The following SNED1 variants were observed in gnomAD, a reference collection of about 807,000 sequenced individuals.
SNED1 encodes sushi, nidogen and EGF like domains 1.
Under a neutral mutation model 166.7 loss-of-function variants are expected in SNED1, and 81 were observed. That is an observed-to-expected ratio of 0.49 (90% CI 0.41 to 0.58). The LOEUF (loss-of-function observed/expected upper bound fraction) is 0.58, where lower values mean the gene tolerates loss of function less well. Among genes scored for constraint, SNED1 ranks in the 20% least tolerant of loss-of-function variants. The pLI is 0.00. For missense variants in SNED1, 1,604 were observed against 2,000.2 expected (o/e 0.80, Z 3.78); for synonymous variants, 762 against 822.0 (o/e 0.93, Z 1.25).
chr2:241,055,380 G>A (rs999483982), intron 16 of SNED1, among the ~76,000 whole-genome samples: 1 of 152,126 alleles, frequency 6.6e-6, no homozygotes, highest in Non-Finnish European at 1.5e-5. Flanking sequence ...CTTCCAGAGG[G>A]AAAATCAGGT....
chr2:241,041,172 C>T, intron 8 of SNED1: 1 of 221,796 alleles, frequency 4.5e-6, no homozygotes, highest in South Asian at 5.6e-5. Context: ...CAGGGTGTGT[C>T]CTGAGGGGAG....
rs2064165290 is a variant in SNED1, at chr2:241,093,334, C to G, written c.*1698C>G. ...TAAGCTACAGCATTACTAGCAGATG[C>G]TAAGATCGAGTGATATCACTGGAAA... On this transcript the variant is annotated 3_prime_UTR_variant, in exon 32 of 32. Coordinates refer to ENST00000310397, the MANE Select transcript of SNED1 (RefSeq NM_001080437.3). The G allele has an allele frequency of 6.5e-6, 1 of 152,676 alleles. No individual in the cohort carries two copies. The highest frequency in any genetic ancestry group is 1.5e-5 in the Non-Finnish European group (1 of 68,044). The allele number at this position is 152,676 out of a possible 1,614,324, so 9.5% of individuals were successfully genotyped here.
chr2:241,039,960 C>G lies in SNED1; in HGVS notation c.1046-115C>G, dbSNP rs1033172950. The G allele has an allele frequency of 6.0e-6, 5 of 826,926 alleles. No homozygotes were observed. The African/African-American group carries it at 6.8e-5, about 11-fold the overall frequency. 51.2% of individuals were successfully genotyped at this position (826,926 alleles called of 1,614,324 possible). On this transcript the variant is annotated intron_variant, in intron 6 of 31. Transcript: ENST00000310397. ...CGCTCAGAAACCTGCCTGCCAGGCC[C>G]CCCTGCAATGTAAGCCAGTTGGGGG...
chr2:241,039,196 G>T (rs1408614535), intron 6 of SNED1, among the ~76,000 whole-genome samples: 1 of 152,166 alleles, frequency 6.6e-6, no homozygotes, highest in Non-Finnish European at 1.5e-5. Flanking sequence ...AGGCTAGGGT[G>T]TGCATGCTCC....
chr2:241,000,215 G>A (rs1458939394), intron 1 of SNED1, among the ~76,000 whole-genome samples: 1 of 151,962 alleles, frequency 6.6e-6, no homozygotes, highest in Non-Finnish European at 1.5e-5. Flanking sequence ...TCCATCCACA[G>A]GGCCTCCTCC....
At chr2:241,076,751 T>C (rs970566505) in intron 27 of SNED1, among the ~76,000 whole-genome samples, 4 of 151,058 alleles carry the variant, frequency 2.6e-5, no homozygotes, top group African/African-American at 9.8e-5. Context: ...GAACTGAGAG[T>C]CCAGGGCCGG....
chr2:241,049,840 G>T lies in SNED1; in HGVS notation c.1642G>T (p.Asp548Tyr). Residue 548 changes from aspartate to tyrosine, a missense_variant, in exon 12 of 32, where the codon GAC becomes TAC. Transcript: ENST00000310397. ...SHSLPSPCDS[D>Y]PCFNGGSCDA... is the part of the protein sequence containing the mutation. Reference sequence around the variant, plus strand: ...AGCCCTGCCATCACCCTGCGACTCGGACCCCTGCTTCAACGGAGGCTCCTG... The same window carrying T: ...AGCCCTGCCATCACCCTGCGACTCGTACCCCTGCTTCAACGGAGGCTCCTG... The T allele has an allele frequency of 6.2e-7, 1 of 1,613,804 alleles. No homozygotes were observed. The highest frequency in any genetic ancestry group is 8.5e-7 in the Non-Finnish European group (1 of 1,179,782).
At chr2:241,056,739 C>T (rs1164839172) in intron 16 of SNED1, among the ~76,000 whole-genome samples, 32 of 151,882 alleles carry the variant, frequency 2.1e-4, no homozygotes, top group Non-Finnish European at 8.8e-5. Flanking sequence ...CATCACCACG[C>T]CCGGCTAATT....
chr2:241,065,616 C>G (rs2062409463), intron 21 of SNED1, 21 bp downstream of exon 21: 1 of 1,603,928 alleles, frequency 6.2e-7, no homozygotes, highest in Admixed American at 1.7e-5. Flanking sequence ...CCGAGCCTGG[C>G]CGTCCCTGCC....
At position 241,035,973 on chromosome 2, in the gene SNED1, T is replaced by C. The variant is rs1217165258; in HGVS notation, c.806-817T>C. On this transcript the variant is annotated intron_variant, in intron 4 of 31. Coordinates refer to ENST00000310397, the MANE Select transcript of SNED1 (RefSeq NM_001080437.3). The stretch of plus-strand genomic sequence containing the variant: ...CCACGGGGTTGGAGGTGGGGCGTAG[T>C]AGGGGTGGGGGGCGGAGGCGCGTCA... Among the ~76,000 whole-genome samples, 3 of 34,110 alleles carry C rather than the reference T, an allele frequency of 8.8e-5. No individual in the cohort carries two copies. In the East Asian group the frequency reaches 3.9e-3, roughly 44 times the overall value. 22.4% of individuals were successfully genotyped at this position (34,110 alleles called of 152,430 possible).
At chr2:241,009,209 A>C (rs1004191433) in intron 1 of SNED1, among the ~76,000 whole-genome samples, 2 of 152,150 alleles carry the variant, frequency 1.3e-5, no homozygotes, top group Non-Finnish European at 2.9e-5. Flanking sequence ...ATGCAGGGTG[A>C]CTGTGAGGAG....
At chr2:241,047,692 C>T (rs2061689312) in intron 8 of SNED1, among the ~76,000 whole-genome samples, 1 of 152,264 alleles carries the variant, frequency 6.6e-6, no homozygotes, top group Non-Finnish European at 1.5e-5. Flanking sequence ...CGTTTGGAGG[C>T]CCCTGGCCCC....
At position 241,093,624 on chromosome 2, in the gene SNED1, T is replaced by C. The variant is rs1213592698; in HGVS notation, c.*1988T>C. 1 of 151,876 alleles carries C rather than the reference T, an allele frequency of 6.6e-6. No individual in the cohort carries two copies. Among genetic ancestry groups the C allele is most frequent in the African/African-American group, 2.4e-5 (1 of 41,252 alleles). The allele number at this position is 151,876 out of a possible 1,614,324, so 9.4% of individuals were successfully genotyped here. A position where few individuals can be genotyped will look rare whatever the true frequency, so the allele number is the denominator to read the frequency against. ...ATGCTAATATGCTCCAGTGTTAGCT[T>C]AGAAGCCTTGTGTCAACAAGAACTG... On this transcript the variant is annotated 3_prime_UTR_variant, in exon 32 of 32. Coordinates refer to ENST00000310397, the MANE Select transcript of SNED1 (RefSeq NM_001080437.3).
At chr2:241,004,596 T>C (rs2060165522) in intron 1 of SNED1, among the ~76,000 whole-genome samples, 2 of 152,266 alleles carry the variant, frequency 1.3e-5, no homozygotes, top group East Asian at 3.8e-4. Context: ...AATAATATTA[T>C]ACTCTTTCAA....
At chr2:241,019,926 C>T (rs536377000) in intron 1 of SNED1, among the ~76,000 whole-genome samples, 3 of 152,230 alleles carry the variant, frequency 2.0e-5, no homozygotes, top group Admixed American at 6.5e-5. Flanking sequence ...GCTGTTGTCA[C>T]GAAAAAGCAG....
chr2:241,015,992 A>T (rs1172706255), intron 1 of SNED1: 1 of 149,686 alleles, frequency 6.7e-6, no homozygotes, highest in Non-Finnish European at 1.5e-5. Context: ...ACCTCTTCAG[A>T]TGATAATATG....
In SNED1 at chr2:241,034,549, G is replaced by A; in HGVS notation, c.643-19G>A. The A allele has an allele frequency of 6.4e-7, 1 of 1,571,530 alleles. No homozygotes were observed. The highest frequency in any genetic ancestry group is 8.7e-7 in the Non-Finnish European group (1 of 1,154,380). On this transcript the variant is annotated intron_variant, in intron 3 of 31. Coordinates refer to ENST00000310397, the MANE Select transcript of SNED1 (RefSeq NM_001080437.3). ...CTGGGGAACTGGCCTCCCTCACTCT[G>A]CCCCCACCCCACCCCCAGGCTGGCT...
Position 241,023,495 on chromosome 2 carries a change from A to G in SNED1, c.214-6789A>G, listed in dbSNP as rs182814645. Among the ~76,000 whole-genome samples, 309 of 151,918 alleles carry G rather than the reference A, an allele frequency of 2.0e-3. 3 individuals carry two copies. Among genetic ancestry groups the G allele is most frequent in the African/African-American group, 5.5e-3 (229 of 41,418 alleles). ...GGCCCAATATGTGGTAAAAAAAAAA[A>G]TGTTCCATTTGTGATATCTATTAGG... On this transcript the variant is annotated intron_variant, in intron 1 of 31. Transcript: ENST00000310397.
At chr2:241,049,700 C>A (rs376471647) in intron 11 of SNED1, 117 bp from the exon 12 acceptor site, 1 of 707,114 alleles carries the variant, frequency 1.4e-6, no homozygotes, top group Non-Finnish European at 2.5e-6. Context: ...TTTTCAGTGG[C>A]CTTGGTTCCA....
Sources: gnomAD v4.1 joint callset for allele counts (sites outside exome capture counted in the v4.1 genomes callset) on GRCh38, gnomAD v4.1.1 for gene constraint, MANE v1.5 for transcripts, NCBI Gene and HGNC (gene_info 2026-07-23, HGNC 2026-07-21) for gene names.